DLGAP2: variants seen among roughly 807,000 people sequenced by gnomAD.
The protein encoded by DLGAP2 is DLG associated protein 2.
A neutral mutation model predicts 100.3 loss-of-function variants in DLGAP2; 26 were observed. The ratio of observed to expected loss-of-function variants is 0.26; its 90% CI spans 0.19 to 0.36. The LOEUF (loss-of-function observed/expected upper bound fraction) is 0.36, where lower values mean the gene tolerates loss of function less well. Ranked by LOEUF, DLGAP2 falls within the 10% of genes least tolerant of loss-of-function variation. DLGAP2 has a pLI of 1.00. For missense variants in DLGAP2, 1,858 were observed against 1,453.2 expected (o/e 1.28, Z -4.53); for synonymous variants, 886 against 630.1 (o/e 1.41, Z -6.08).
intron 1 of DLGAP2, among the ~76,000 whole-genome samples, chr8:749,043 A>G (rs945407464): frequency 1.3e-4 from 20 of 152,162 alleles, no homozygotes. Context: ...CTTGTTACCC[A>G]GGCTGGAATG....
chr8:1,392,175 G>T (rs1328990601), intron 3 of DLGAP2, among the ~76,000 whole-genome samples: 1 of 152,206 alleles, frequency 6.6e-6, no homozygotes, highest in African/African-American at 2.4e-5. Flanking sequence ...AGACCCCTGA[G>T]TTCCAGGCTC....
At chr8:811,556 G>A (rs1796370411) in intron 1 of DLGAP2, among the ~76,000 whole-genome samples, 2 of 149,996 alleles carry the variant, frequency 1.3e-5, no homozygotes, top group South Asian at 4.3e-4. Flanking sequence ...GAATGAGCAG[G>A]AACTATCTGG....
chr8:777,286 G>A (rs1821548912), intron 1 of DLGAP2, among the ~76,000 whole-genome samples: 1 of 150,454 alleles, frequency 6.6e-6, no homozygotes, highest in African/African-American at 2.4e-5. Context: ...CACACTGATG[G>A]GTCTTGACTC....
chr8:813,074 CTTAGCTAT>C (rs1478629614), intron 1 of DLGAP2, among the ~76,000 whole-genome samples: 1 of 152,146 alleles, frequency 6.6e-6, no homozygotes, highest in Non-Finnish European at 1.5e-5. Flanking sequence ...ATAGCTGCTT[CTTAGCTAT>C]AATAGAAGAC....
chr8:989,008 G>A (rs529150176), intron 2 of DLGAP2, among the ~76,000 whole-genome samples: 240 of 152,236 alleles, frequency 1.6e-3, no homozygotes, highest in African/African-American at 5.6e-3. Flanking sequence ...CTCCGCTCGC[G>A]GCTCCCTGGA....
chr8:1,246,417 A>G lies in DLGAP2; in HGVS notation c.74-12434A>G, dbSNP rs191363652. Among the ~76,000 whole-genome samples the G allele has an allele frequency of 2.6e-5, 4 of 152,330 alleles. No homozygotes were observed. In the East Asian group the frequency reaches 5.8e-4, roughly 22 times the overall value. On this transcript the variant is annotated intron_variant, in intron 2 of 14. Coordinates refer to ENST00000637795, the MANE Select transcript of DLGAP2 (RefSeq NM_001346810.2). Reference sequence around the variant, plus strand: ...CTTCCCTCAACCAGGGCCTCCTGCCATCCGCGGCTGCTGAGAGCACAGGGA... The same window carrying G: ...CTTCCCTCAACCAGGGCCTCCTGCCGTCCGCGGCTGCTGAGAGCACAGGGA...
rs577317331 is a variant in DLGAP2 at position 1,273,838 on chromosome 8, G to A, written c.106+14955G>A. On this transcript the variant is annotated intron_variant, in intron 3 of 14. Transcript: ENST00000637795. ...AGAGCAAAAGGCTAGAATGACATTG[G>A]TGTAGAATTCCAAATGGGAGACTTT... Among the ~76,000 whole-genome samples, 62 of 152,312 alleles carry A rather than the reference G, an allele frequency of 4.1e-4. 1 individual carries two copies. The South Asian group carries it at 0.013, about 31-fold the overall frequency.
chr8:1,593,678 C>G (rs1442998247), intron 6 of DLGAP2, among the ~76,000 whole-genome samples: 1 of 144,870 alleles, frequency 6.9e-6, no homozygotes. Context: ...TCCAGCACCC[C>G]AACTTTTCCA....
intron 4 of DLGAP2, among the ~76,000 whole-genome samples, chr8:1,515,348 T>G (rs1340024403): frequency 6.6e-6 from 1 of 152,138 alleles, no homozygotes; most frequent in African/African-American, 2.4e-5. Context: ...TCCCTTCCCT[T>G]AAGACAGACA....
At chr8:1,215,994 A>AGTG (rs1563259084) in intron 2 of DLGAP2, among the ~76,000 whole-genome samples, 7 of 150,076 alleles carry the variant, frequency 4.7e-5, no homozygotes, top group African/African-American at 7.4e-5. Flanking sequence ...TTCATTAGGC[A>AGTG]CATCACCTGG....
At chr8:1,300,408 A>T (rs1034549530) in intron 3 of DLGAP2, 1 of 152,190 alleles carries the variant, frequency 6.6e-6, no homozygotes, top group Admixed American at 6.5e-5. Flanking sequence ...CACGGCTGAA[A>T]CACGGCTCTG....
At chr8:1,212,186 C>A (rs1175126037) in intron 2 of DLGAP2, among the ~76,000 whole-genome samples, 2 of 152,192 alleles carry the variant, frequency 1.3e-5, no homozygotes, top group Non-Finnish European at 2.9e-5. Context: ...CCAAGAGCCT[C>A]ATGTTCATGA....
chr8:1,259,290 T>G (rs1585201423), intron 3 of DLGAP2, among the ~76,000 whole-genome samples: 1 of 151,518 alleles, frequency 6.6e-6, no homozygotes, highest in South Asian at 2.1e-4. Context: ...AGCCTGAGAG[T>G]GTGTGGGGCC....
intron 3 of DLGAP2, among the ~76,000 whole-genome samples, chr8:1,468,512 G>C (rs148184644): frequency 6.6e-6 from 1 of 152,222 alleles, no homozygotes; most frequent in Non-Finnish European, 1.5e-5. Flanking sequence ...TAGCAGCCAT[G>C]GTGGGTTCTG....
At chr8:1,624,961 CA>C (rs1264007081) in intron 6 of DLGAP2, among the ~76,000 whole-genome samples, 1 of 151,662 alleles carries the variant, frequency 6.6e-6, no homozygotes, top group Non-Finnish European at 1.5e-5. Context: ...TCTTTTAAAG[CA>C]AAAATATTTA....
chr8:1,087,264 C>G (rs4735837), intron 2 of DLGAP2, among the ~76,000 whole-genome samples: 1 of 152,022 alleles, frequency 6.6e-6, no homozygotes, highest in Non-Finnish European at 1.5e-5. Context: ...TCATAACATT[C>G]TGAAGTCTTT....
At chr8:1,241,164 C>T (rs1484483257) in intron 2 of DLGAP2, among the ~76,000 whole-genome samples, 1 of 142,166 alleles carries the variant, frequency 7.0e-6, no homozygotes, top group African/African-American at 2.6e-5. Flanking sequence ...ATGTCTAGTT[C>T]TCTCACGTGG....
chr8:746,927 G>A (rs977942658), intron 1 of DLGAP2, among the ~76,000 whole-genome samples: 1 of 152,200 alleles, frequency 6.6e-6, no homozygotes, highest in African/African-American at 2.4e-5. Context: ...CCCTGCAGGC[G>A]TGATGGGGAC....
chr8:1,410,879 C>G (rs1420594364), intron 3 of DLGAP2, among the ~76,000 whole-genome samples: 1 of 149,566 alleles, frequency 6.7e-6, no homozygotes, highest in East Asian at 2.0e-4. Flanking sequence ...GTTGTCTTAT[C>G]CAGGAAGGAA....
Sources: allele counts gnomAD v4.1 joint callset (sites outside exome capture counted in the v4.1 genomes callset), GRCh38; gene constraint gnomAD v4.1.1; transcripts MANE v1.5; gene names NCBI Gene and HGNC (gene_info 2026-07-23, HGNC 2026-07-21).